The following NBEAL1 variants were observed in gnomAD, a reference collection of about 807,000 sequenced individuals.
The protein encoded by NBEAL1 is neurobeachin like 1.
Under a neutral mutation model 351.3 loss-of-function variants are expected in NBEAL1, and 273 were observed. The observed-to-expected ratio is 0.78, with a 90% CI of 0.70 to 0.86. The LOEUF (loss-of-function observed/expected upper bound fraction) is 0.86. Among genes scored for constraint, NBEAL1 ranks in the 40% least tolerant of loss-of-function variants. The pLI, the probability that NBEAL1 is intolerant of heterozygous loss-of-function variation, is 0.00. For missense variants in NBEAL1, 2,961 were observed against 3,201.3 expected (o/e 0.92, Z 1.81); for synonymous variants, 1,050 against 1,086.4 (o/e 0.97, Z 0.66).
intron 25 of NBEAL1, 151 bp from the exon 26 acceptor site, chr2:203,131,822 A>G (rs2063079262): frequency 2.0e-6 from 1 of 491,418 alleles, no homozygotes; most frequent in South Asian, 5.2e-5. Flanking sequence ...TAATATTGCT[A>G]TAAGTTAATA....
At chr2:203,182,220 A>C (rs1360808182) in intron 43 of NBEAL1, 1 of 152,244 alleles carries the variant, frequency 6.6e-6, no homozygotes, top group African/African-American at 2.4e-5. Context: ...TAGCATCATC[A>C]GCGCCAACTT....
chr2:203,118,787 C>T (rs1372242445), intron 18 of NBEAL1, among the ~76,000 whole-genome samples: 1 of 152,046 alleles, frequency 6.6e-6, no homozygotes, highest in Non-Finnish European at 1.5e-5. Context: ...TGGGGTTTCA[C>T]CATGTTGGCC....
intron 36 of NBEAL1, among the ~76,000 whole-genome samples, chr2:203,164,391 T>C (rs1334677252): frequency 6.6e-6 from 1 of 152,094 alleles, no homozygotes; most frequent in African/African-American, 2.4e-5. Context: ...GGCAGTTATA[T>C]AGGGAACTAT....
intron 45 of NBEAL1, among the ~76,000 whole-genome samples, chr2:203,189,289 G>A (rs924364416): frequency 2.0e-5 from 3 of 152,122 alleles, no homozygotes; most frequent in African/African-American, 7.2e-5. Flanking sequence ...CAGTATTTTT[G>A]TGTAGTTATT....
intron 34 of NBEAL1, among the ~76,000 whole-genome samples, chr2:203,150,334 G>T (rs746429717): frequency 6.6e-6 from 1 of 152,004 alleles, no homozygotes; most frequent in Non-Finnish European, 1.5e-5. Flanking sequence ...TCACATGCTT[G>T]TTGGTCATTT....
chr2:203,204,324 G>GTTTTTT (rs760736834), intron 51 of NBEAL1, among the ~76,000 whole-genome samples: 1 of 125,838 alleles, frequency 7.9e-6, no homozygotes, highest in Non-Finnish European at 1.7e-5. Flanking sequence ...GGGTTTTTTG[G>GTTTTTT]TTTTTTTTTT....
In NBEAL1 at chr2:203,083,237, A is replaced by G. The variant is rs762648838; in HGVS notation, c.703A>G (p.Ile235Val). 8.7e-5 allele frequency: 135 copies of G among 1,551,002 alleles called. No homozygotes were observed. The highest frequency in any genetic ancestry group is 1.1e-4 in the Non-Finnish European group (128 of 1,146,652). The change falls in exon 9 of 56, where the codon ATT (isoleucine) becomes GTT (valine). Residue 235 changes from isoleucine (I) to valine (V), a missense_variant. Ile to Val is a conservative substitution (Grantham distance 29). Coordinates refer to ENST00000683969, the MANE Select transcript of NBEAL1 (RefSeq NM_001378026.1). ...GTTTCAGAGGAATGCTTTGCAAGCA[A>G]TTTCTCCAGCCACTATGGAAGTTCT... Reference protein sequence around the residue: ...AGGQRNALQAISPATMEVLMR... With the variant: ...AGGQRNALQAVSPATMEVLMR...
chr2:203,046,594 G>A (rs552913651), intron 3 of NBEAL1, among the ~76,000 whole-genome samples: 7 of 152,206 alleles, frequency 4.6e-5, no homozygotes, highest in African/African-American at 1.7e-4. Flanking sequence ...AGCAGATTTG[G>A]TGTCTGGTGA....
chr2:203,191,688 T>C (rs1335768600), intron 46 of NBEAL1, among the ~76,000 whole-genome samples: 1 of 152,196 alleles, frequency 6.6e-6, no homozygotes, highest in South Asian at 2.1e-4. Context: ...ACCTAGCCTA[T>C]AATGCCTTTG....
rs1449078240 is a variant in NBEAL1 at position 203,133,129 on chromosome 2, G to A, written c.3796G>A (p.Val1266Met). Residue 1266 changes from valine to methionine, a missense_variant, in exon 27 of 56, where the codon GTG (valine) becomes ATG (methionine). Coordinates refer to ENST00000683969, the MANE Select transcript of NBEAL1 (RefSeq NM_001378026.1). ...ISHRAHINVRVAICRKVLQIL... is the reference protein window; with the variant it reads ...ISHRAHINVRMAICRKVLQIL... The stretch of plus-strand genomic sequence containing the variant: ...TCACAGAGCACATATAAATGTTAGA[G>A]TGGCCATCTGCAGAAAGGTCAGTAA... 4 of 1,488,582 alleles carry A rather than the reference G, an allele frequency of 2.7e-6. No homozygotes were observed. Among genetic ancestry groups the A allele is most frequent in the Non-Finnish European group, 3.6e-6 (4 of 1,097,538 alleles). 92.2% of individuals were successfully genotyped at this position (1,488,582 alleles called of 1,614,324 possible).
At chr2:203,128,847 C>G (rs1178730454) in intron 24 of NBEAL1, among the ~76,000 whole-genome samples, 1 of 151,852 alleles carries the variant, frequency 6.6e-6, no homozygotes, top group Non-Finnish European at 1.5e-5. Flanking sequence ...CCGCCCGCCT[C>G]GGCCTCCCAA....
At chr2:203,171,290 A>T (rs201418299) in intron 39 of NBEAL1, among the ~76,000 whole-genome samples, 1 of 73,042 alleles carries the variant, frequency 1.4e-5, no homozygotes, top group East Asian at 1.2e-3. Flanking sequence ...AAAATGAAAT[A>T]ATAAAATAAA....
At chr2:203,019,940 A>C (rs2060740292) in intron 2 of NBEAL1, among the ~76,000 whole-genome samples, 1 of 152,230 alleles carries the variant, frequency 6.6e-6, no homozygotes. Context: ...CCAATATTTG[A>C]AAGAATTTGA....
rs1221787266 is a variant in NBEAL1 at position 203,188,583 on chromosome 2, T to TA, written c.6818dup (p.Tyr2273Ter). ...ACTCAACGTTTTCTATTATTGTAGT[T>TA]ATGAAGGTATAAATCTATACACTTT... is the stretch of plus-strand genomic sequence containing the variant. The part of the protein sequence containing the change: ...EALNVFYYCS[Y>*]EGAVDLDALT... The change falls in exon 45 of 56, where the codon TAT (tyrosine) becomes TAAT (stop). Residue 2273 changes from tyrosine to a stop codon, truncating the protein, a stop_gained and frameshift_variant. Transcript: ENST00000683969. LOFTEE classifies it high-confidence loss of function. 6.4e-7 allele frequency: 1 copy of TA among 1,564,038 alleles called. No homozygotes were observed. Among genetic ancestry groups the TA allele is most frequent in the Non-Finnish European group, 8.8e-7 (1 of 1,140,530 alleles).
chr2:203,139,312 T>C (rs1007407841), intron 31 of NBEAL1, among the ~76,000 whole-genome samples: 2 of 152,126 alleles, frequency 1.3e-5, no homozygotes, highest in African/African-American at 2.4e-5. Context: ...AAAAGTTTGA[T>C]GTGAATTTTA....
intron 36 of NBEAL1, among the ~76,000 whole-genome samples, chr2:203,160,212 T>C (rs928177089): frequency 7.2e-5 from 11 of 151,924 alleles, no homozygotes; most frequent in Non-Finnish European, 8.8e-5. Flanking sequence ...CCTGAGTAGC[T>C]GGGATTACAG....
intron 53 of NBEAL1, 29 bp downstream of exon 53, chr2:203,209,351 G>A: frequency 2.6e-6 from 4 of 1,552,154 alleles, no homozygotes; most frequent in Non-Finnish European, 3.5e-6. Flanking sequence ...AATAGAGGTA[G>A]ACTCCCAATA....
At chr2:203,041,532 A>G (rs1428030438) in intron 2 of NBEAL1, among the ~76,000 whole-genome samples, 1 of 152,184 alleles carries the variant, frequency 6.6e-6, no homozygotes, top group African/African-American at 2.4e-5. Context: ...GGGAGGGCAA[A>G]TTGTTTAAAC....
chr2:203,130,255 G>T, intron 24 of NBEAL1, 63 bp from the exon 25 acceptor site: 2 of 1,387,778 alleles, frequency 1.4e-6, no homozygotes, highest in South Asian at 3.0e-5. Context: ...TGTGGCTTAT[G>T]ACCTTATTTG....
Sources: allele counts gnomAD v4.1 joint callset (sites outside exome capture counted in the v4.1 genomes callset), GRCh38; gene constraint gnomAD v4.1.1; transcripts MANE v1.5; gene names NCBI Gene and HGNC (gene_info 2026-07-23, HGNC 2026-07-21).